The following RYR3 variants were observed in gnomAD, a reference collection of about 807,000 sequenced individuals.
RYR3 encodes the protein ryanodine receptor 3.
In RYR3, 207 loss-of-function variants were observed where a neutral mutation model predicts 584.3. That is an observed-to-expected ratio of 0.35 (90% CI 0.32 to 0.40). The LOEUF is 0.40. RYR3 is among the 10% of genes least tolerant of loss of function. RYR3 has a pLI of 1.00. For missense variants in RYR3, 5,616 were observed against 6,089.2 expected (o/e 0.92, Z 2.59); for synonymous variants, 2,416 against 2,248.5 (o/e 1.07, Z -2.11).
At chr15:33,815,063 C>CT (rs569203712) in intron 74 of RYR3, among the ~76,000 whole-genome samples, 84 of 131,590 alleles carry the variant, frequency 6.4e-4, no homozygotes, top group African/African-American at 2.2e-3. Flanking sequence ...GAACGAGACT[C>CT]TGTCTCAAAA....
chr15:33,848,404 C>T lies in RYR3; in HGVS notation c.13611C>T (p.Arg4537=), dbSNP rs1272439081. ...SEDDIKGQWD[R]LVINTPSFPN... ...ATGACATCAAGGGGCAGTGGGACCG[C>T]TTGGTGATCAACACACCGTGAGTGT... Residue 4537 remains arginine (R), a synonymous_variant, in exon 94 of 104, where the codon CGC becomes CGT. Coordinates refer to ENST00000634891, the MANE Select transcript of RYR3 (RefSeq NM_001036.6). 1.2e-6 allele frequency: 2 copies of T among 1,613,030 alleles called. No individual in the cohort carries two copies. The highest frequency in any genetic ancestry group is 1.7e-5 in the Admixed American group (1 of 59,910).
chr15:33,351,024 A>C (rs2092161843), intron 1 of RYR3, among the ~76,000 whole-genome samples: 1 of 152,266 alleles, frequency 6.6e-6, no homozygotes, highest in African/African-American at 2.4e-5. Context: ...AAGACTAATA[A>C]AGAAAAAAAG....
intron 16 of RYR3, among the ~76,000 whole-genome samples, chr15:33,594,500 A>G (rs1355456819): frequency 6.6e-6 from 1 of 152,220 alleles, no homozygotes; most frequent in Non-Finnish European, 1.5e-5. Context: ...TATCAGCAAC[A>G]TTTGAAGCAA....
intron 2 of RYR3, among the ~76,000 whole-genome samples, chr15:33,492,133 C>A (rs2051013968): frequency 6.6e-6 from 1 of 152,108 alleles, no homozygotes; most frequent in African/African-American, 2.4e-5. Context: ...TAAATCCATG[C>A]CCAGTGTATA....
At chr15:33,687,887 C>A (rs1439250542) in intron 38 of RYR3, among the ~76,000 whole-genome samples, 3 of 152,168 alleles carry the variant, frequency 2.0e-5, no homozygotes, top group Non-Finnish European at 4.4e-5. Context: ...TGGATCCCTT[C>A]CTTACACCTT....
chr15:33,346,257 T>C (rs1437933079), intron 1 of RYR3, among the ~76,000 whole-genome samples: 1 of 151,998 alleles, frequency 6.6e-6, no homozygotes, highest in African/African-American at 2.4e-5. Flanking sequence ...TGAGAGGGAG[T>C]TGGTCACAAA....
In RYR3 at chr15:33,548,014, C is replaced by G. The variant is rs1393074557; in HGVS notation, c.741-116C>G. ...TTATTCTGGCTTTGCATTCTGCTGA[C>G]TCCAAAAGGGCTTAGACAAGCTCAG... On this transcript the variant is annotated intron_variant, in intron 8 of 103. Coordinates refer to ENST00000634891, the MANE Select transcript of RYR3 (RefSeq NM_001036.6). 5 of 707,514 alleles carry G rather than the reference C, an allele frequency of 7.1e-6. No homozygotes were observed. In the East Asian group the frequency reaches 1.1e-4, roughly 16 times the overall value. 43.8% of individuals were successfully genotyped at this position (707,514 alleles called of 1,614,324 possible). A position where few individuals can be genotyped will look rare whatever the true frequency, so the allele number is the denominator to read the frequency against.
intron 1 of RYR3, among the ~76,000 whole-genome samples, chr15:33,401,083 A>AT (rs1367269379): frequency 1.3e-5 from 2 of 152,200 alleles, no homozygotes; most frequent in East Asian, 3.9e-4. Context: ...ATATGAGCGA[A>AT]TGCCCTTCTT....
chr15:33,545,750 G>C (rs2056189308), intron 8 of RYR3, among the ~76,000 whole-genome samples: 1 of 152,128 alleles, frequency 6.6e-6, no homozygotes, highest in Non-Finnish European at 1.5e-5. Flanking sequence ...AATCTGGGGA[G>C]CATGATAGAA....
intron 1 of RYR3, among the ~76,000 whole-genome samples, chr15:33,397,226 G>T (rs943406742): frequency 2.6e-5 from 4 of 152,202 alleles, no homozygotes; most frequent in Non-Finnish European, 5.9e-5. Flanking sequence ...CTTTGAAGGA[G>T]GAGGGGTAGG....
chr15:33,471,980 T>C (rs1041259741), intron 1 of RYR3, among the ~76,000 whole-genome samples: 1 of 152,180 alleles, frequency 6.6e-6, no homozygotes, highest in Non-Finnish European at 1.5e-5. Context: ...AAAATTTCAC[T>C]CTCTTCAGAG....
chr15:33,765,079 G>A (rs1296733206), intron 60 of RYR3, among the ~76,000 whole-genome samples: 1 of 147,716 alleles, frequency 6.8e-6, no homozygotes, highest in Non-Finnish European at 1.5e-5. Flanking sequence ...ATGTGAGTGA[G>A]CTGAAATTTG....
chr15:33,708,172 T>C (rs778739766), intron 43 of RYR3, among the ~76,000 whole-genome samples: 3 of 152,232 alleles, frequency 2.0e-5, no homozygotes, highest in Non-Finnish European at 2.9e-5. Flanking sequence ...TGGTTCACTT[T>C]GTATCCAAAT....
At chr15:33,624,709 G>C (rs531923095) in intron 20 of RYR3, among the ~76,000 whole-genome samples, 6 of 152,324 alleles carry the variant, frequency 3.9e-5, no homozygotes, top group African/African-American at 1.4e-4. Flanking sequence ...TCTGTAATTT[G>C]AGAGAGACAC....
intron 1 of RYR3, among the ~76,000 whole-genome samples, chr15:33,344,981 A>G (rs1052252486): frequency 9.8e-5 from 15 of 152,346 alleles, no homozygotes; most frequent in Non-Finnish European, 1.8e-4. Flanking sequence ...GGTAGGAAGG[A>G]GGCTTGCACA....
chr15:33,403,342 A>G (rs957427441), intron 1 of RYR3, among the ~76,000 whole-genome samples: 1 of 152,208 alleles, frequency 6.6e-6, no homozygotes, highest in African/African-American at 2.4e-5. Flanking sequence ...AGCGGAGCAA[A>G]TCTAGACTCC....
chr15:33,648,753 G>C (rs945390587), intron 30 of RYR3, among the ~76,000 whole-genome samples: 3 of 152,214 alleles, frequency 2.0e-5, no homozygotes, highest in Non-Finnish European at 4.4e-5. Context: ...CTGCCATTCT[G>C]AGCAGCTGCC....
chr15:33,322,259 G>A (rs536145890), intron 1 of RYR3, among the ~76,000 whole-genome samples: 1 of 152,300 alleles, frequency 6.6e-6, no homozygotes, highest in African/African-American at 2.4e-5. Context: ...GCATGACACT[G>A]GCATCTGCTC....
intron 12 of RYR3, among the ~76,000 whole-genome samples, chr15:33,578,348 G>A (rs1313163516): frequency 6.6e-6 from 1 of 152,152 alleles, no homozygotes; most frequent in Non-Finnish European, 1.5e-5. Context: ...CAAAGACGTA[G>A]AATCAACCCA....
Sources: gnomAD v4.1 joint callset for allele counts (sites outside exome capture counted in the v4.1 genomes callset) on GRCh38, gnomAD v4.1.1 for gene constraint, MANE v1.5 for transcripts, NCBI Gene and HGNC (gene_info 2026-07-23, HGNC 2026-07-21) for gene names.